The following HNRNPA1L2 variants were observed in gnomAD, a reference collection of about 807,000 sequenced individuals.
HNRNPA1L2 encodes heterogeneous nuclear ribonucleoprotein A1 like 2, also known as heterogeneous nuclear ribonucleoprotein A1-like 2.
HNRNPA1L2 carries 10 observed loss-of-function variants against 18.2 expected under a neutral mutation model. That is an observed-to-expected ratio of 0.55 (90% CI 0.34 to 0.93). HNRNPA1L2 has a LOEUF of 0.93. Among genes scored for constraint, HNRNPA1L2 ranks in the 40% least tolerant of loss-of-function variants. HNRNPA1L2 has a pLI of 0.02. For missense variants in HNRNPA1L2, 308 were observed against 394.4 expected, an observed-to-expected ratio of 0.78 and a Z score of 1.85; for synonymous variants, 124 against 138.6, an observed-to-expected ratio of 0.89 and a Z score of 0.74.
upstream of HNRNPA1L2, chr13:52,641,570 G>T (rs1961656712): frequency 6.6e-6 from 1 of 152,148 alleles, no homozygotes. Flanking sequence ...CTTTTTCAAA[G>T]ATTGGAGTTC....
chr13:52,617,717 C>T, the HNRNPA1L2 span: 7 of 435,084 alleles, frequency 1.6e-5, no homozygotes, highest in Non-Finnish European at 2.5e-5. Context: ...TCCGCAGGTC[C>T]TCGGGCATCC....
chr13:52,635,115 T>A, the HNRNPA1L2 span, among the ~76,000 whole-genome samples: 3 of 152,226 alleles, frequency 2.0e-5, no homozygotes, highest in Admixed American at 6.5e-5. Flanking sequence ...AGTTACCCAG[T>A]ATCAGATGAA....
the HNRNPA1L2 span, chr13:52,617,539 A>T: frequency 4.8e-6 from 2 of 420,636 alleles, no homozygotes; most frequent in East Asian, 3.5e-5. Context: ...GCTCTCCTGG[A>T]TGGCTTTATG....
At chr13:52,634,793 T>C in the HNRNPA1L2 span, among the ~76,000 whole-genome samples, 1 of 152,074 alleles carries the variant, frequency 6.6e-6, no homozygotes, top group African/African-American at 2.4e-5. Context: ...GTTGGTGTTG[T>C]GTAGGTCTGG....
the HNRNPA1L2 span, among the ~76,000 whole-genome samples, chr13:52,624,637 AAC>A: frequency 1.3e-5 from 2 of 152,226 alleles, no homozygotes; most frequent in East Asian, 1.9e-4. Context: ...TTTTTTAAGA[AAC>A]ACAGAAAAAA....
chr13:52,623,033 A>G, the HNRNPA1L2 span, among the ~76,000 whole-genome samples: 29 of 152,140 alleles, frequency 1.9e-4, no homozygotes, highest in African/African-American at 6.8e-4. Context: ...TGGTTTCTAC[A>G]TGGTATCAAA....
upstream of HNRNPA1L2, among the ~76,000 whole-genome samples, chr13:52,637,812 C>A (rs1961512297): frequency 6.6e-6 from 1 of 152,022 alleles, no homozygotes; most frequent in African/African-American, 2.4e-5. Flanking sequence ...TTTCATCATG[C>A]CTTTATGTTG....
upstream of HNRNPA1L2, among the ~76,000 whole-genome samples, chr13:52,639,832 A>T (rs781661052): frequency 2.6e-4 from 40 of 151,346 alleles, no homozygotes; most frequent in Non-Finnish European, 5.2e-4. Context: ...TTCTCCATCA[A>T]ACTGGGTTCC....
chr13:52,633,091 A>G, the HNRNPA1L2 span, among the ~76,000 whole-genome samples: 1 of 152,178 alleles, frequency 6.6e-6, no homozygotes, highest in South Asian at 2.1e-4. Context: ...AGTACTACTG[A>G]TTACATGAAT....
the HNRNPA1L2 span, among the ~76,000 whole-genome samples, chr13:52,620,531 A>G: frequency 6.6e-6 from 1 of 152,238 alleles, no homozygotes; most frequent in Non-Finnish European, 1.5e-5. Flanking sequence ...TAGAAATGCA[A>G]ATTCTCAAGT....
chr13:52,625,562 T>A, the HNRNPA1L2 span, among the ~76,000 whole-genome samples: 1 of 152,220 alleles, frequency 6.6e-6, no homozygotes. Context: ...AGACTATAAC[T>A]ATGAAGGAAA....
At chr13:52,621,671 A>G in the HNRNPA1L2 span, among the ~76,000 whole-genome samples, 1 of 152,156 alleles carries the variant, frequency 6.6e-6, no homozygotes. Flanking sequence ...GTGGCACCCC[A>G]GTGTGTCTTA....
chr13:52,634,245 A>G, the HNRNPA1L2 span, among the ~76,000 whole-genome samples: 1 of 152,240 alleles, frequency 6.6e-6, no homozygotes, highest in Non-Finnish European at 1.5e-5. Flanking sequence ...TTAAGTGTGC[A>G]TCAGAAAGGA....
chr13:52,624,002 G>A, the HNRNPA1L2 span, among the ~76,000 whole-genome samples: 278 of 152,356 alleles, frequency 1.8e-3, 2 homozygotes, highest in African/African-American at 6.3e-3. Flanking sequence ...GGTGTTAGCA[G>A]AAACACCTAC....
chr13:52,624,690 C>T, the HNRNPA1L2 span, among the ~76,000 whole-genome samples: 4 of 152,124 alleles, frequency 2.6e-5, no homozygotes, highest in Non-Finnish European at 5.9e-5. Context: ...ACTTATGTAG[C>T]ATTTGTTATA....
Position 52,643,196 on chromosome 13 carries a change from G to C in HNRNPA1L2, c.704G>C (p.Gly235Ala), listed in dbSNP as rs574498578. ...GGCTTTGGTGGCAGCTGTGGTGGTG[G>C]TGGATATGGTGGCAGTGGGGATGGC... is the stretch of plus-strand genomic sequence containing the variant. ...RGGFGGSCGG[G>A]GYGGSGDGYN... is the part of the protein sequence containing the mutation. Residue 235 changes from glycine to alanine, a missense_variant, in exon 1 of 1, where the codon GGT becomes GCT. Gly to Ala is a moderately conservative substitution (Grantham distance 60). Transcript: ENST00000357495. The C allele has an allele frequency of 5.6e-6, 9 of 1,597,650 alleles. No homozygotes were observed. In the African/African-American group the frequency reaches 8.0e-5, roughly 14 times the overall value.
chr13:52,635,831 G>GTTTT, the HNRNPA1L2 span, among the ~76,000 whole-genome samples: 6 of 131,782 alleles, frequency 4.6e-5, no homozygotes, highest in Admixed American at 8.1e-5. Flanking sequence ...CTGTATTACT[G>GTTTT]TTTTTTTTTT....
At chr13:52,636,917 C>T in the HNRNPA1L2 span, among the ~76,000 whole-genome samples, 4 of 152,062 alleles carry the variant, frequency 2.6e-5, no homozygotes, top group Non-Finnish European at 4.4e-5. Flanking sequence ...CTGTAACCTC[C>T]GCCTCCTGGG....
chr13:52,626,403 C>T, the HNRNPA1L2 span, among the ~76,000 whole-genome samples: 9,024 of 141,582 alleles, frequency 0.064, 316 homozygotes, highest in African/African-American at 0.099. Flanking sequence ...CCAGACTTCA[C>T]GACATACTGA....
Sources: gnomAD v4.1 joint callset for allele counts (sites outside exome capture counted in the v4.1 genomes callset) on GRCh38, gnomAD v4.1.1 for gene constraint, MANE v1.5 for transcripts, NCBI Gene and HGNC (gene_info 2026-07-23, HGNC 2026-07-21) for gene names.